CASZ1: variants seen among roughly 807,000 people sequenced by gnomAD.
CASZ1 encodes the protein zinc finger protein castor homolog 1.
A neutral mutation model predicts 135.2 loss-of-function variants in CASZ1; 28 were observed. The ratio of observed to expected loss-of-function variants is 0.21; its 90% CI spans 0.15 to 0.28. The LOEUF (loss-of-function observed/expected upper bound fraction) is 0.28, where lower values mean the gene tolerates loss of function less well. CASZ1 is among the 10% of genes least tolerant of loss of function. The pLI is 1.00. For missense variants in CASZ1, 2,161 were observed against 2,453.3 expected (o/e 0.88, Z 2.52); for synonymous variants, 1,068 against 1,073.4 (o/e 0.99, Z 0.10).
chr1:10,776,920 C>T lies in CASZ1; in HGVS notation c.-233-16063G>A, dbSNP rs934835628. Among the ~76,000 whole-genome samples, 3 of 152,198 alleles carry T rather than the reference C, an allele frequency of 2.0e-5. No individual in the cohort carries two copies. Among genetic ancestry groups the T allele is most frequent in the Admixed American group, 2.0e-4 (3 of 15,288 alleles). On this transcript the variant is annotated intron_variant, in intron 1 of 20. Transcript: ENST00000377022. This position sits in a 1 kb window ranked among gnomAD's most constrained non-coding sequence, Gnocchi z 4.1. Reference sequence around the variant, plus strand: ...TAAAACCAGTCACCCCCAAACACAGCCCCACCATCTGATCCCCTAGGAGGG... The same window carrying T: ...TAAAACCAGTCACCCCCAAACACAGTCCCACCATCTGATCCCCTAGGAGGG...
rs777086333 is a variant in CASZ1 at position 10,649,317 on chromosome 1, TCTC to T, written c.2998_3000del (p.Glu1000del). 8 of 1,596,746 alleles carry T rather than the reference TCTC, an allele frequency of 5.0e-6. No individual in the cohort carries two copies. Among genetic ancestry groups the T allele is most frequent in the African/African-American group, 1.3e-5 (1 of 74,550 alleles). On this transcript the variant is annotated inframe_deletion, in exon 14 of 21. Transcript: ENST00000377022. The stretch of plus-strand genomic sequence containing the variant: ...TACACCTTCCAGGGCTCTGCCAACT[TCTC>T]CTGAACCAGCGCCTTCACGGCCTTG...
chr1:10,684,052 G>A (rs561993863), intron 4 of CASZ1, among the ~76,000 whole-genome samples: 23 of 152,332 alleles, frequency 1.5e-4, no homozygotes, highest in Admixed American at 4.6e-4. Context: ...CAGTATCTCC[G>A]GGCCTCCAGC....
chr1:10,679,481 G>A lies in CASZ1; in HGVS notation c.17-13910C>T, dbSNP rs930059627. Among the ~76,000 whole-genome samples, 1 of 152,112 alleles carries A rather than the reference G, an allele frequency of 6.6e-6. No homozygotes were observed. The highest frequency in any genetic ancestry group is 1.5e-5 in the Non-Finnish European group (1 of 68,008). On this transcript the variant is annotated intron_variant, in intron 4 of 20. Transcript: ENST00000377022. The surrounding 1 kb of genome is among the most constrained non-coding windows in gnomAD (Gnocchi z 4.7). ...CAGGATGACTCGGGCCAGCTGTCTC[G>A]ATGGTGCTACCAAGCAATGTAGCAG... is the stretch of plus-strand genomic sequence containing the variant.
At position 10,649,367 on chromosome 1, in the gene CASZ1, G is replaced by A. The variant is rs569836726; in HGVS notation, c.2951C>T (p.Ala984Val). The A allele has an allele frequency of 5.6e-6, 9 of 1,605,658 alleles. No individual in the cohort carries two copies. The East Asian group carries it at 6.7e-5, about 12-fold the overall frequency. Residue 984 changes from alanine to valine, a missense_variant, in exon 14 of 21, where the codon GCG (alanine) becomes GTG (valine). Ala to Val is a moderately conservative substitution (Grantham distance 64). Around this residue, in one of 7 missense-constraint regions of CASZ1, gnomAD observed 406 missense variants for 387.6 expected, o/e 1.05. Coordinates refer to ENST00000377022, the MANE Select transcript of CASZ1 (RefSeq NM_001079843.3). Reference protein sequence around the residue: ...IKAEAEGSPAAEPSPFLGKAV... With the variant: ...IKAEAEGSPAVEPSPFLGKAV... ...CTTGCCTAGGAAGGGCGAGGGCTCC[G>A]CAGCGGGGCTCCCCTCCGCTTCCGC...
chr1:10,692,815 A>G (rs1349484762), intron 4 of CASZ1, among the ~76,000 whole-genome samples: 2 of 152,212 alleles, frequency 1.3e-5, no homozygotes, highest in African/African-American at 2.4e-5. Flanking sequence ...ACTTGGGCCT[A>G]TTATAAACAA....
At position 10,654,571 on chromosome 1, in the gene CASZ1, G is replaced by A. The variant is rs770390648; in HGVS notation, c.1686C>T (p.Tyr562=). The change falls in exon 10 of 21, where the codon TAC becomes TAT. Residue 562 remains tyrosine (Y), a synonymous_variant. Coordinates refer to ENST00000377022, the MANE Select transcript of CASZ1 (RefSeq NM_001079843.3). ...GGGTCATCACGTCAGACGTGCTCGT[G>A]TACACCTTGTTACAGCCCACCTGCA... ...HCMQVGCNKV[Y]TSTSDVMTHE... 6.8e-6 allele frequency: 11 copies of A among 1,614,094 alleles called. No homozygotes were observed. Among genetic ancestry groups the A allele is most frequent in the Admixed American group, 3.3e-5 (2 of 60,006 alleles).
At chr1:10,710,272 GT>G (rs1256093839) in intron 2 of CASZ1, among the ~76,000 whole-genome samples, 1 of 152,172 alleles carries the variant, frequency 6.6e-6, no homozygotes, top group Non-Finnish European at 1.5e-5. Flanking sequence ...TTCATGGGAT[GT>G]TGCCCTATGT....
intron 1 of CASZ1, among the ~76,000 whole-genome samples, chr1:10,795,328 C>T (rs939256880): frequency 6.6e-6 from 1 of 152,212 alleles, no homozygotes; most frequent in Non-Finnish European, 1.5e-5. Context: ...GTGTTCCCTG[C>T]GCCCCCACAA....
At position 10,739,234 on chromosome 1, in the gene CASZ1, C is replaced by T. The variant is rs1162207266; in HGVS notation, c.-77+21467G>A. On this transcript the variant is annotated intron_variant, in intron 2 of 20. Coordinates refer to ENST00000377022, the MANE Select transcript of CASZ1 (RefSeq NM_001079843.3). The surrounding 1 kb of genome is among the most constrained non-coding windows in gnomAD (Gnocchi z 4.8). ...TGCGGTGCAACCTGCAGCTGCGGGA[C>T]GGGTGCATTCACGAGGGGGGTGTGT... 2.0e-5 allele frequency among the ~76,000 whole-genome samples: 3 copies of T among 152,062 alleles called. No individual in the cohort carries two copies. The highest frequency in any genetic ancestry group is 4.4e-5 in the Non-Finnish European group (3 of 67,994).
Position 10,639,045 on chromosome 1 carries a change from G to T in CASZ1, c.5177C>A (p.Ala1726Glu). 1 of 1,059,912 alleles carries T rather than the reference G, an allele frequency of 9.4e-7. No individual in the cohort carries two copies. 65.7% of individuals were successfully genotyped at this position (1,059,912 alleles called of 1,614,324 possible). Residue 1726 changes from alanine to glutamate, a missense_variant, in exon 21 of 21, where the codon GCG (alanine) becomes GAG (glutamate). By Grantham distance (107) the Ala-to-Glu change is moderately radical. Transcript: ENST00000377022. This position sits in a 1 kb window ranked among gnomAD's most constrained non-coding sequence, Gnocchi z 4.0. ...GCCCGCGCCCGCCGCCTCCGCCGCC[G>T]CCTCGGGCAGCGACTCCTCCGAGTC... is the stretch of plus-strand genomic sequence containing the variant. ...RTDSEESLPE[A>E]AAEAAGAGAR...
chr1:10,747,103 T>C lies in CASZ1; in HGVS notation c.-77+13598A>G, dbSNP rs2100546453. Reference sequence around the variant, plus strand: ...GATGGCCACCCAGTTGGCAGTGCCATTCCCCTAACGCAAGGTAAGCACACA... The same window carrying C: ...GATGGCCACCCAGTTGGCAGTGCCACTCCCCTAACGCAAGGTAAGCACACA... On this transcript the variant is annotated intron_variant, in intron 2 of 20. Coordinates refer to ENST00000377022, the MANE Select transcript of CASZ1 (RefSeq NM_001079843.3). This position sits in a 1 kb window ranked among gnomAD's most constrained non-coding sequence, Gnocchi z 4.3. Among the ~76,000 whole-genome samples, 1 of 152,324 alleles carries C rather than the reference T, an allele frequency of 6.6e-6. No homozygotes were observed. Among genetic ancestry groups the C allele is most frequent in the Non-Finnish European group, 1.5e-5 (1 of 68,024 alleles).
At chr1:10,728,896 G>A (rs1006470853) in intron 2 of CASZ1, among the ~76,000 whole-genome samples, 1 of 152,128 alleles carries the variant, frequency 6.6e-6, no homozygotes, top group Non-Finnish European at 1.5e-5. Context: ...GGGGCCGCAG[G>A]CCCTTTGTTC....
At chr1:10,744,975 G>A (rs938996840) in intron 2 of CASZ1, among the ~76,000 whole-genome samples, 8 of 152,114 alleles carry the variant, frequency 5.3e-5, no homozygotes, top group African/African-American at 9.7e-5. Flanking sequence ...AGCAACCGGC[G>A]AGGAAGTTTC....
rs766141052 is a variant in CASZ1 at position 10,656,726 on chromosome 1, T to A, written c.1420A>T (p.Ser474Cys). The change falls in exon 8 of 21, where the codon AGC becomes TGC. Residue 474 changes from serine to cysteine, a missense_variant. By Grantham distance (112) the Ser-to-Cys change is moderately radical (BLOSUM62 -1). This residue lies in a region of CASZ1 where 248 missense variants were observed against 410.8 expected (regional missense o/e 0.60). Transcript: ENST00000377022. The part of the protein sequence containing the change: ...YQKYIARFSG[S>C]QHCGHIHCAY... ...CAGTGGATGTGGCCACAGTGCTGGC[T>A]GCCCGAGAACCTGGAGGGAGGAGGG... 1.3e-6 allele frequency: 2 copies of A among 1,595,106 alleles called. No homozygotes were observed. The highest frequency in any genetic ancestry group is 1.7e-6 in the Non-Finnish European group (2 of 1,171,694).
At chr1:10,673,457 G>A (rs1444176057) in intron 4 of CASZ1, among the ~76,000 whole-genome samples, 3 of 151,724 alleles carry the variant, frequency 2.0e-5, no homozygotes, top group Non-Finnish European at 4.4e-5. Context: ...GCACACACGC[G>A]CGTGCACGCA....
At chr1:10,668,375 C>T (rs1232736457) in intron 4 of CASZ1, among the ~76,000 whole-genome samples, 1 of 152,256 alleles carries the variant, frequency 6.6e-6, no homozygotes, top group Non-Finnish European at 1.5e-5. Flanking sequence ...GGCCCTGTCA[C>T]TGCCCCTTTC....
At chr1:10,680,334 G>A (rs1638374363) in intron 4 of CASZ1, among the ~76,000 whole-genome samples, 1 of 152,008 alleles carries the variant, frequency 6.6e-6, no homozygotes, top group African/African-American at 2.4e-5. Flanking sequence ...GGAGGAAGGA[G>A]CTGAACTTGG....
chr1:10,704,113 G>A (rs1639119450), intron 3 of CASZ1: 1 of 152,284 alleles, frequency 6.6e-6, no homozygotes, highest in African/African-American at 2.4e-5. Flanking sequence ...AACAAGGCAC[G>A]GCGTGGGAAG....
Position 10,720,978 on chromosome 1 carries a change from C to T in CASZ1, c.-76-15434G>A, listed in dbSNP as rs564898980. On this transcript the variant is annotated intron_variant, in intron 2 of 20. Transcript: ENST00000377022. The surrounding 1 kb of genome is among the most constrained non-coding windows in gnomAD (Gnocchi z 5.7). ...AGTTCACCCTGCTCAGGGCCACAAC[C>T]GGCTCTGGAGGGAGGGATTTAAGAG... Among the ~76,000 whole-genome samples, 5 of 152,294 alleles carry T rather than the reference C, an allele frequency of 3.3e-5. No individual in the cohort carries two copies. In the South Asian group the frequency reaches 6.2e-4, roughly 19 times the overall value.
Sources: gnomAD v4.1 joint callset for allele counts (sites outside exome capture counted in the v4.1 genomes callset) on GRCh38, gnomAD v4.1.1 for gene constraint, gnomAD v4.1.1 regional missense constraint, Gnocchi (gnomAD v3.1) non-coding constraint, MANE v1.5 for transcripts, NCBI Gene and HGNC (gene_info 2026-07-23, HGNC 2026-07-21) for gene names.